The following CLASP2 variants were observed in gnomAD, a reference collection of about 807,000 sequenced individuals.
CLASP2 encodes CLIP-associating protein 2.
In CLASP2, 47 loss-of-function variants were observed where a neutral mutation model predicts 194.4. That is an observed-to-expected ratio of 0.24 (90% confidence interval 0.19 to 0.31). The LOEUF (loss-of-function observed/expected upper bound fraction) is 0.31. Ranked by LOEUF, CLASP2 falls within the 10% of genes least tolerant of loss-of-function variation. The probability of loss-of-function intolerance (pLI) is 1.00; values close to 1 mark genes in which losing one functional copy is unlikely to be tolerated. For missense variants in CLASP2, 1,445 were observed against 1,823.6 expected (o/e 0.79, Z 3.78); for synonymous variants, 619 against 633.5 (o/e 0.98, Z 0.34).
chr3:33,523,946 A>G (rs2053826897), intron 34 of CLASP2, among the ~76,000 whole-genome samples: 1 of 152,214 alleles, frequency 6.6e-6, no homozygotes, highest in Non-Finnish European at 1.5e-5. Flanking sequence ...CCAAGAAAAT[A>G]GCTATAAAAT....
intron 16 of CLASP2, 79 bp downstream of exon 16, chr3:33,606,512 T>TA: frequency 8.9e-7 from 1 of 1,123,412 alleles, no homozygotes; most frequent in South Asian, 1.5e-5. Flanking sequence ...AGCAAACAGA[T>TA]ATTCAAGTAT....
chr3:33,551,425 A>T (rs528609747), intron 29 of CLASP2, 30 bp from the exon 30 acceptor site: 2 of 1,601,232 alleles, frequency 1.2e-6, no homozygotes. Flanking sequence ...GAGAAAGGAC[A>T]GAAAGATGGT....
intron 30 of CLASP2, among the ~76,000 whole-genome samples, chr3:33,549,604 T>C (rs1319893156): frequency 2.0e-5 from 3 of 152,210 alleles, no homozygotes; most frequent in Non-Finnish European, 4.4e-5. Context: ...TTCTATCATT[T>C]TAATCTATTG....
At chr3:33,529,853 C>T (rs1222804433) in intron 34 of CLASP2, among the ~76,000 whole-genome samples, 1 of 151,930 alleles carries the variant, frequency 6.6e-6, no homozygotes, top group African/African-American at 2.4e-5. Flanking sequence ...TGGCGGGCGC[C>T]TGTAGTCCCA....
chr3:33,670,538 A>C (rs542630142), intron 6 of CLASP2, among the ~76,000 whole-genome samples: 1 of 152,324 alleles, frequency 6.6e-6, no homozygotes, highest in Admixed American at 6.5e-5. Flanking sequence ...ACAAACTACA[A>C]AATCAACAAC....
At chr3:33,688,227 T>C in intron 4 of CLASP2, 50 bp downstream of exon 4, 1 of 1,409,162 alleles carries the variant, frequency 7.1e-7, no homozygotes, top group Non-Finnish European at 9.6e-7. Context: ...GAGGTTTTTT[T>C]TAGAGAAATA....
At chr3:33,632,200 G>T in intron 9 of CLASP2, 92 bp downstream of exon 9, 1 of 749,388 alleles carries the variant, frequency 1.3e-6, no homozygotes, top group Non-Finnish European at 2.1e-6. Flanking sequence ...GCTATATAAG[G>T]AAAAAAGAAT....
chr3:33,597,035 C>A (rs979158089), intron 18 of CLASP2, among the ~76,000 whole-genome samples: 3 of 152,268 alleles, frequency 2.0e-5, no homozygotes, highest in African/African-American at 4.8e-5. Flanking sequence ...TCATGCCAAT[C>A]CCCTGCTCTA....
Position 33,622,125 on chromosome 3 carries a change from A to G in CLASP2, c.1181+10T>C, listed in dbSNP as rs759916799. The G allele has an allele frequency of 6.4e-7, 1 of 1,558,284 alleles. No homozygotes were observed. Among genetic ancestry groups the G allele is most frequent in the Admixed American group, 2.1e-5 (1 of 48,058 alleles). On this transcript the variant is annotated intron_variant, in intron 11 of 38. Coordinates refer to ENST00000682230, the MANE Select transcript of CLASP2 (RefSeq NM_001365631.1). ...ATAAAAAACACTTATCATAAAAGGAATATACTTACGCTACAGTAATACAAG... is the reference window on the plus strand; with the variant it reads ...ATAAAAAACACTTATCATAAAAGGAGTATACTTACGCTACAGTAATACAAG...
rs368851906 is a variant in CLASP2 at position 33,647,609 on chromosome 3, T to G, written c.716-2706A>C. Among the ~76,000 whole-genome samples, 6 of 152,334 alleles carry G rather than the reference T, an allele frequency of 3.9e-5. No homozygotes were observed. The East Asian group carries it at 5.8e-4, about 15-fold the overall frequency. ...TGACATTATAGCTCCAAAGCAGTTA[T>G]ATACACACAATATGTAAACAAACGA... On this transcript the variant is annotated intron_variant, in intron 7 of 38. Transcript: ENST00000682230.
At chr3:33,645,026 A>G in intron 7 of CLASP2, 123 bp from the exon 8 acceptor site, 2 of 1,011,868 alleles carry the variant, frequency 2.0e-6, no homozygotes, top group South Asian at 2.9e-5. Flanking sequence ...ATAATACGAA[A>G]TAAAGGTCCT....
rs1453217044 is a variant in CLASP2 at position 33,710,582 on chromosome 3, T to TA, written c.195+7225dup. Among the ~76,000 whole-genome samples the TA allele has an allele frequency of 3.3e-5, 5 of 151,970 alleles. No homozygotes were observed. The East Asian group carries it at 9.7e-4, about 29-fold the overall frequency. The stretch of plus-strand genomic sequence containing the variant: ...AGCAAGATCCTGTCTCCAAAATAAA[T>TA]AAATAATAAAAATACAAAAGAACAA... On this transcript the variant is annotated intron_variant, in intron 1 of 38. Coordinates refer to ENST00000682230, the MANE Select transcript of CLASP2 (RefSeq NM_001365631.1).
At chr3:33,581,674 TG>T in intron 23 of CLASP2, 146 bp downstream of exon 23, 1 of 594,860 alleles carries the variant, frequency 1.7e-6, no homozygotes, top group Non-Finnish European at 3.0e-6. Flanking sequence ...TTCCCAAACA[TG>T]TAATTTCCTT....
chr3:33,574,824 A>G (rs997636730), intron 24 of CLASP2, among the ~76,000 whole-genome samples: 1 of 152,182 alleles, frequency 6.6e-6, no homozygotes, highest in Non-Finnish European at 1.5e-5. Context: ...TAGGCTTACT[A>G]GCTGGAAAGT....
At chr3:33,706,962 C>A (rs1358117896) in intron 1 of CLASP2, among the ~76,000 whole-genome samples, 1 of 152,020 alleles carries the variant, frequency 6.6e-6, no homozygotes, top group Non-Finnish European at 1.5e-5. Context: ...GAGAGAGAGA[C>A]CCTGTCTCAA....
chr3:33,681,060 G>A (rs1254543076), intron 6 of CLASP2, among the ~76,000 whole-genome samples: 2 of 151,146 alleles, frequency 1.3e-5, no homozygotes, highest in Non-Finnish European at 2.9e-5. Context: ...GGGAGGCGGA[G>A]GTTGCAGTGA....
At chr3:33,680,061 T>C (rs1210572688) in intron 6 of CLASP2, among the ~76,000 whole-genome samples, 1 of 152,112 alleles carries the variant, frequency 6.6e-6, no homozygotes, top group South Asian at 2.1e-4. Context: ...AAATGAGCTA[T>C]CAAGCCATGA....
intron 34 of CLASP2, among the ~76,000 whole-genome samples, chr3:33,524,364 TG>T (rs1440295042): frequency 1.3e-5 from 2 of 152,158 alleles, no homozygotes; most frequent in Non-Finnish European, 2.9e-5. Context: ...CAAAATAGGC[TG>T]GGTGCGTTGG....
At chr3:33,541,493 G>GC (rs2058355443) in intron 32 of CLASP2, among the ~76,000 whole-genome samples, 1 of 152,042 alleles carries the variant, frequency 6.6e-6, no homozygotes, top group Non-Finnish European at 1.5e-5. Flanking sequence ...CCTACCCTCT[G>GC]CCCTCTGGTA....
Sources: allele counts gnomAD v4.1 joint callset (sites outside exome capture counted in the v4.1 genomes callset), GRCh38; gene constraint gnomAD v4.1.1; transcripts MANE v1.5; gene names NCBI Gene and HGNC (gene_info 2026-07-23, HGNC 2026-07-21).